Variants in DNAI1 observed in about 807,000 individuals in gnomAD.
DNAI1 encodes the protein dynein axonemal intermediate chain 1.
Under a neutral mutation model 92.0 loss-of-function variants are expected in DNAI1, and 67 were observed. The ratio of observed to expected loss-of-function variants is 0.73; its 90% CI spans 0.60 to 0.89. The LOEUF (loss-of-function observed/expected upper bound fraction) is 0.89, where lower values mean the gene tolerates loss of function less well. Among genes scored for constraint, DNAI1 ranks in the 40% least tolerant of loss-of-function variants. The pLI, the probability that DNAI1 is intolerant of heterozygous loss-of-function variation, is 0.00. For missense variants in DNAI1, 839 were observed against 866.6 expected, an observed-to-expected ratio of 0.97 and a Z score of 0.40; for synonymous variants, 323 against 319.6, an observed-to-expected ratio of 1.01 and a Z score of -0.11.
intron 1 of DNAI1, among the ~76,000 whole-genome samples, chr9:34,465,622 C>T (rs139636636): frequency 1.3e-5 from 2 of 152,306 alleles, no homozygotes; most frequent in African/African-American, 4.8e-5. Flanking sequence ...TTGTTTTCCT[C>T]CCCTGTGTAC....
At chr9:34,505,196 A>C (rs1824900555) in intron 12 of DNAI1, among the ~76,000 whole-genome samples, 1 of 152,192 alleles carries the variant, frequency 6.6e-6, no homozygotes, top group East Asian at 1.9e-4. Flanking sequence ...AACCAAAACC[A>C]GGTGGTAACA....
intron 1 of DNAI1, among the ~76,000 whole-genome samples, chr9:34,459,807 A>G (rs1823911153): frequency 6.6e-6 from 1 of 152,256 alleles, no homozygotes; most frequent in Non-Finnish European, 1.5e-5. Flanking sequence ...GTGGGAACAC[A>G]GCTCTTGCTG....
chr9:34,480,679 C>T (rs746405257), intron 1 of DNAI1, among the ~76,000 whole-genome samples: 14 of 152,176 alleles, frequency 9.2e-5, no homozygotes, highest in Non-Finnish European at 1.3e-4. Flanking sequence ...TGCAGTGGCT[C>T]ACATCTATAA....
chr9:34,458,889 G>T lies in DNAI1; in HGVS notation c.-117G>T, dbSNP rs1823877794. Reference sequence around the variant, plus strand: ...CAACGACGGCTGTCCCTAAAGAACCGTTGCGACTGGTAACTGAAGTGGAAG... The same window carrying T: ...CAACGACGGCTGTCCCTAAAGAACCTTTGCGACTGGTAACTGAAGTGGAAG... On this transcript the variant is annotated 5_prime_UTR_variant, in exon 1 of 20. Transcript: ENST00000242317. This position sits in a 1 kb window ranked among gnomAD's most constrained non-coding sequence, Gnocchi z 6.6. The T allele has an allele frequency of 1.1e-6, 1 of 897,504 alleles. No individual in the cohort carries two copies. Among genetic ancestry groups the T allele is most frequent in the East Asian group, 2.5e-5 (1 of 40,352 alleles). The allele number at this position is 897,504 out of a possible 1,614,324, so 55.6% of individuals were successfully genotyped here. A position where few individuals can be genotyped will look rare whatever the true frequency, so the allele number is the denominator to read the frequency against.
intron 13 of DNAI1, among the ~76,000 whole-genome samples, chr9:34,507,638 A>G (rs1824964251): frequency 2.0e-5 from 3 of 152,192 alleles, no homozygotes; most frequent in Non-Finnish European, 4.4e-5. Context: ...TCAAGGGTCA[A>G]CTGTATGTTA....
chr9:34,520,526 C>A, intron 19 of DNAI1, 132 bp from the exon 20 acceptor site: 1 of 809,106 alleles, frequency 1.2e-6, no homozygotes, highest in Non-Finnish European at 2.1e-6. Flanking sequence ...AGAGGGGAGG[C>A]AGGGATCCAG....
chr9:34,480,878 G>A (rs1824339542), intron 1 of DNAI1, among the ~76,000 whole-genome samples: 1 of 152,124 alleles, frequency 6.6e-6, no homozygotes, highest in African/African-American at 2.4e-5. Context: ...CCTGGGAGGT[G>A]GAGGTTGCAG....
chr9:34,459,182 CT>C (rs1315385488), intron 1 of DNAI1, 129 bp downstream of exon 1: 4 of 874,356 alleles, frequency 4.6e-6, no homozygotes, highest in Non-Finnish European at 7.5e-6. Context: ...CCCGTGACCT[CT>C]GGTAAGTGCT....
At chr9:34,501,493 TG>T (rs1309810635) in intron 12 of DNAI1, among the ~76,000 whole-genome samples, 1 of 152,190 alleles carries the variant, frequency 6.6e-6, no homozygotes, top group South Asian at 2.1e-4. Flanking sequence ...ATGAAGCTGC[TG>T]GGGGGGCCAG....
intron 1 of DNAI1, among the ~76,000 whole-genome samples, chr9:34,463,374 C>T (rs1823983790): frequency 6.6e-6 from 1 of 152,166 alleles, no homozygotes; most frequent in Non-Finnish European, 1.5e-5. Context: ...TATGGAGCTC[C>T]ATAAATCATA....
intron 8 of DNAI1, among the ~76,000 whole-genome samples, chr9:34,492,799 G>C (rs914693753): frequency 1.3e-5 from 2 of 151,828 alleles, no homozygotes; most frequent in African/African-American, 4.8e-5. Context: ...GGCATTACAG[G>C]TGTAAGCCAC....
At chr9:34,507,823 C>T (rs1824972718) in intron 13 of DNAI1, among the ~76,000 whole-genome samples, 1 of 152,208 alleles carries the variant, frequency 6.6e-6, no homozygotes, top group Admixed American at 6.5e-5. Flanking sequence ...CTGTAGCACC[C>T]CCTCTTCTCC....
chr9:34,483,351 T>G, intron 1 of DNAI1, 97 bp from the exon 2 acceptor site: 11 of 1,247,586 alleles, frequency 8.8e-6, no homozygotes, highest in African/African-American at 3.0e-5. Flanking sequence ...ACTTTGACTG[T>G]GAGATCCCTG....
intron 1 of DNAI1, among the ~76,000 whole-genome samples, chr9:34,466,436 A>T (rs2132040687): frequency 6.6e-6 from 1 of 152,326 alleles, no homozygotes. Flanking sequence ...TTGGAGAGTC[A>T]TCTGCTTCTG....
Position 34,459,145 on chromosome 9 carries a change from T to C in DNAI1, c.48+92T>C, listed in dbSNP as rs144238090. The C allele has an allele frequency of 6.9e-4, 878 of 1,272,604 alleles. 2 individuals are homozygous for C. Among genetic ancestry groups the C allele is most frequent in the Middle Eastern group, 1.8e-3 (10 of 5,454 alleles). 78.8% of individuals were successfully genotyped at this position (1,272,604 alleles called of 1,614,324 possible). A position where few individuals can be genotyped will look rare whatever the true frequency, so the allele number is the denominator to read the frequency against. On this transcript the variant is annotated intron_variant, in intron 1 of 19. Coordinates refer to ENST00000242317, the MANE Select transcript of DNAI1 (RefSeq NM_012144.4). ...ACCTCTCCTACTGATCCTTGATCTT[T>C]TCTCTGTTGACCCCAGCCTTCTCAC...
chr9:34,497,313 AAT>A, intron 10 of DNAI1, 114 bp downstream of exon 10: 1 of 801,850 alleles, frequency 1.2e-6, no homozygotes. Context: ...GCGGAGAAAA[AAT>A]AATCCCTCTG....
intron 1 of DNAI1, among the ~76,000 whole-genome samples, 154 bp from the exon 2 acceptor site, chr9:34,483,294 G>A (rs557280712): frequency 1.3e-5 from 2 of 152,262 alleles, no homozygotes; most frequent in Non-Finnish European, 2.9e-5. Context: ...GGGAGGTGCC[G>A]AGAGCAAGCG....
In DNAI1 at chr9:34,482,897, G is replaced by A. The variant is rs189938326; in HGVS notation, c.49-551G>A. Among the ~76,000 whole-genome samples, 642 of 152,340 alleles carry A rather than the reference G, an allele frequency of 4.2e-3. 2 individuals carry two copies. The highest frequency in any genetic ancestry group is 0.024 in the Middle Eastern group (7 of 294). On this transcript the variant is annotated intron_variant, in intron 1 of 19. Coordinates refer to ENST00000242317, the MANE Select transcript of DNAI1 (RefSeq NM_012144.4). ...TCAGGCATGGCGGGCTGCAGGTCCC[G>A]AGCCCTGCCCCGTGGGAAGGCAGCT...
At chr9:34,461,455 A>G (rs1159935577) in intron 1 of DNAI1, among the ~76,000 whole-genome samples, 2 of 152,144 alleles carry the variant, frequency 1.3e-5, no homozygotes, top group Non-Finnish European at 2.9e-5. Context: ...CCCACCTCCT[A>G]TGCCCCACCC....
Sources: allele counts gnomAD v4.1 joint callset (sites outside exome capture counted in the v4.1 genomes callset), GRCh38; gene constraint gnomAD v4.1.1; non-coding constraint Gnocchi (gnomAD v3.1); transcripts MANE v1.5; gene names NCBI Gene and HGNC (gene_info 2026-07-23, HGNC 2026-07-21).